PRSS55: variants seen among roughly 807,000 people sequenced by gnomAD.
PRSS55 encodes the protein probable serine protease UNQ9391/PRO34284.
PRSS55 carries 41 observed loss-of-function variants against 23.6 expected under a neutral mutation model. That is an observed-to-expected ratio of 1.74 (90% CI 1.35 to 2.26). The LOEUF (loss-of-function observed/expected upper bound fraction) is 2.26, where lower values mean the gene tolerates loss of function less well. Among genes scored for constraint, PRSS55 ranks in the 30% most tolerant of loss-of-function variants. The pLI is 0.00. For missense variants in PRSS55, 669 were observed against 439.1 expected, an observed-to-expected ratio of 1.52 and a Z score of -4.68; for synonymous variants, 262 against 175.5, an observed-to-expected ratio of 1.49 and a Z score of -3.90.
intron 3 of PRSS55, among the ~76,000 whole-genome samples, chr8:10,531,879 T>G (rs1812279689): frequency 6.6e-6 from 1 of 152,246 alleles, no homozygotes; most frequent in South Asian, 2.1e-4. Flanking sequence ...GTTTCCTACC[T>G]GGCTCCTCCA....
downstream of PRSS55, among the ~76,000 whole-genome samples, chr8:10,542,857 A>C (rs7007023): frequency 7.1e-6 from 1 of 141,768 alleles, no homozygotes; most frequent in Non-Finnish European, 1.5e-5. Flanking sequence ...TGGGTGACAA[A>C]AGCAAAACTT....
At chr8:10,544,498 A>G (rs1375518581) in intron 4 of PRSS55, among the ~76,000 whole-genome samples, 4 of 152,110 alleles carry the variant, frequency 2.6e-5, no homozygotes, top group Non-Finnish European at 5.9e-5. Context: ...TTTTTAGTCC[A>G]CTCACATTTA....
At chr8:10,526,142 G>GC (rs947283829) in intron 1 of PRSS55, among the ~76,000 whole-genome samples, 68 of 152,228 alleles carry the variant, frequency 4.5e-4, no homozygotes, top group African/African-American at 1.5e-3. Flanking sequence ...CTTGTGCCCG[G>GC]CCCCCCAGAG....
chr8:10,537,521 A>C (rs1812498382), intron 4 of PRSS55, among the ~76,000 whole-genome samples: 1 of 152,206 alleles, frequency 6.6e-6, no homozygotes, highest in Non-Finnish European at 1.5e-5. Flanking sequence ...AGAATGAATA[A>C]AGTCTGGTAT....
At chr8:10,542,419 G>GGAAAAAA (rs60800512), downstream of PRSS55, among the ~76,000 whole-genome samples, 1 of 133,502 alleles carries the variant, frequency 7.5e-6, no homozygotes, top group African/African-American at 3.1e-5. Context: ...CCATGCGGGG[G>GGAAAAAA]AAAAAAAAAA....
At chr8:10,532,624 G>A (rs1365491802) in intron 3 of PRSS55, among the ~76,000 whole-genome samples, 1 of 152,244 alleles carries the variant, frequency 6.6e-6, no homozygotes, top group African/African-American at 2.4e-5. Context: ...CCAGTTCCAA[G>A]AAGCTGAGTC....
chr8:10,527,225 G>A (rs1812059529), intron 1 of PRSS55, among the ~76,000 whole-genome samples: 1 of 152,244 alleles, frequency 6.6e-6, no homozygotes, highest in Non-Finnish European at 1.5e-5. Context: ...AGAAGTAGTT[G>A]ATGATATGGA....
downstream of PRSS55, among the ~76,000 whole-genome samples, chr8:10,539,859 G>A (rs1456839572): frequency 6.6e-6 from 1 of 152,120 alleles, no homozygotes. Flanking sequence ...GTGTGGAAAC[G>A]GACTAACACA....
intron 1 of PRSS55, among the ~76,000 whole-genome samples, chr8:10,526,233 G>C (rs1180609029): frequency 6.6e-6 from 1 of 152,200 alleles, no homozygotes; most frequent in African/African-American, 2.4e-5. Flanking sequence ...GCTAGGGGTC[G>C]AGCATTTCCC....
Position 10,533,083 on chromosome 8 carries a change from C to A in PRSS55, c.741+35C>A, listed in dbSNP as rs762347544. On this transcript the variant is annotated intron_variant, in intron 4 of 4. Coordinates refer to ENST00000328655, the MANE Select transcript of PRSS55 (RefSeq NM_198464.4). ...GGGTACCCTCCCTCACCTTATAGGT[C>A]CTCACCCTCTGGGAACTGCCAGTGC... The A allele has an allele frequency of 4.4e-6, 7 of 1,609,054 alleles. No individual in the cohort carries two copies. The Admixed American group carries it at 1.2e-4, about 27-fold the overall frequency.
In PRSS55 at chr8:10,547,088, TCACGGAG is replaced by T. The variant is rs1332380639; in HGVS notation, c.742-6853_742-6847del. On this transcript the variant is annotated intron_variant, in intron 4 of 4. Coordinates refer to the PRSS55 transcript ENST00000522210. ...CAGGCTGGAAGACCACGCTCTGGCT[TCACGGAG>T]CCATGACATCCCCAAACCACACATC... Among the ~76,000 whole-genome samples, 108 of 152,290 alleles carry T rather than the reference TCACGGAG, an allele frequency of 7.1e-4. 1 individual carries two copies. Among genetic ancestry groups the T allele is most frequent in the Non-Finnish European group, 2.9e-5 (2 of 68,006 alleles).
At chr8:10,537,448 C>A (rs971078630) in intron 4 of PRSS55, among the ~76,000 whole-genome samples, 5 of 151,988 alleles carry the variant, frequency 3.3e-5, no homozygotes, top group Non-Finnish European at 7.4e-5. Flanking sequence ...ATGATGGTTA[C>A]CAGAGGCTGG....
chr8:10,541,771 T>G (rs1177948939), downstream of PRSS55, among the ~76,000 whole-genome samples: 2 of 152,176 alleles, frequency 1.3e-5, no homozygotes, highest in Non-Finnish European at 2.9e-5. Flanking sequence ...TCACTTTTCT[T>G]TTTTTGAGAC....
chr8:10,548,956 G>A (rs1210513764), intron 4 of PRSS55, among the ~76,000 whole-genome samples: 2 of 152,202 alleles, frequency 1.3e-5, no homozygotes, highest in Non-Finnish European at 2.9e-5. Flanking sequence ...CAAGCCCACT[G>A]TGTGTCTTAT....
At chr8:10,553,923 A>G in intron 4 of PRSS55, 1 of 1,473,586 alleles carries the variant, frequency 6.8e-7, no homozygotes. Context: ...TAATTTGTCA[A>G]TTTAATTTTT....
At chr8:10,545,274 T>C (rs1367079356) in intron 4 of PRSS55, 2 of 151,568 alleles carry the variant, frequency 1.3e-5, no homozygotes, top group Middle Eastern at 3.4e-3. Context: ...CAGGACTCAC[T>C]GCAGCCTCAA....
chr8:10,531,494 C>G lies in PRSS55; in HGVS notation c.547C>G (p.Pro183Ala), dbSNP rs1304305533. ...VPICLPTQPG[P>A]ATWRECWVAG... is the part of the protein sequence containing the mutation. ...CATCTGCCTCCCCACGCAGCCCGGC[C>G]CTGCCACATGGCGCGAATGCTGGGT... Residue 183 changes from proline (P) to alanine (A), a missense_variant, in exon 3 of 5, where the codon CCT (proline) becomes GCT (alanine). Transcript: ENST00000328655. The G allele has an allele frequency of 5.0e-6, 8 of 1,613,848 alleles. No individual in the cohort carries two copies. Among genetic ancestry groups the G allele is most frequent in the Middle Eastern group, 1.6e-4 (1 of 6,084 alleles).
chr8:10,549,486 C>T (rs1161818012), intron 4 of PRSS55, among the ~76,000 whole-genome samples: 1 of 152,164 alleles, frequency 6.6e-6, no homozygotes, highest in African/African-American at 2.4e-5. Context: ...GCTAAGCCCA[C>T]GTACAGCCTG....
rs557862745 is a variant in PRSS55 at position 10,529,749 on chromosome 8, G to T, written c.347+50G>T. On this transcript the variant is annotated intron_variant, in intron 2 of 4. Coordinates refer to ENST00000328655, the MANE Select transcript of PRSS55 (RefSeq NM_198464.4). ...CCACCTCTCAGGGCGCCCACCCCTG[G>T]GGCACCCTCCCCCTCACCCACACCT... is the stretch of plus-strand genomic sequence containing the variant. 30 of 1,560,968 alleles carry T rather than the reference G, an allele frequency of 1.9e-5. No individual in the cohort carries two copies. In the East Asian group the frequency reaches 5.9e-4, roughly 30 times the overall value.
Sources: gnomAD v4.1 joint callset for allele counts (sites outside exome capture counted in the v4.1 genomes callset) on GRCh38, gnomAD v4.1.1 for gene constraint, MANE v1.5 for transcripts, NCBI Gene and HGNC (gene_info 2026-07-23, HGNC 2026-07-21) for gene names.